DOCK4: variants seen among roughly 807,000 people sequenced by gnomAD.
DOCK4 encodes the protein dedicator of cytokinesis protein 4.
Under a neutral mutation model 268.1 loss-of-function variants are expected in DOCK4, and 97 were observed. That is an observed-to-expected ratio of 0.36 (90% CI 0.31 to 0.43). The LOEUF (loss-of-function observed/expected upper bound fraction) is 0.43, where lower values mean the gene tolerates loss of function less well. Ranked by LOEUF, DOCK4 falls within the 20% of genes least tolerant of loss-of-function variation. The pLI, the probability that DOCK4 is intolerant of heterozygous loss-of-function variation, is 1.00. For missense variants in DOCK4, 2,145 were observed against 2,455.7 expected, an observed-to-expected ratio of 0.87 and a Z score of 2.67; for synonymous variants, 954 against 887.2, an observed-to-expected ratio of 1.08 and a Z score of -1.34.
At chr7:111,989,331 C>T (rs886669441) in intron 5 of DOCK4, among the ~76,000 whole-genome samples, 168 bp from the exon 6 acceptor site, 11 of 152,236 alleles carry the variant, frequency 7.2e-5, no homozygotes, top group African/African-American at 2.7e-4. Flanking sequence ...CTCAAACACA[C>T]TCGCTGCCTT....
chr7:111,933,279 C>CATATAT (rs1174523261), intron 12 of DOCK4, among the ~76,000 whole-genome samples: 4 of 91,218 alleles, frequency 4.4e-5, no homozygotes, highest in South Asian at 3.1e-4. Context: ...TACATATATA[C>CATATAT]ATATATATAT....
intron 1 of DOCK4, among the ~76,000 whole-genome samples, chr7:112,114,440 C>A (rs1368430289): frequency 6.6e-6 from 1 of 152,192 alleles, no homozygotes; most frequent in African/African-American, 2.4e-5. Context: ...CTTGAAGTGA[C>A]AGGCTCTTGT....
intron 26 of DOCK4, among the ~76,000 whole-genome samples, chr7:111,828,063 A>C (rs1802536984): frequency 6.6e-6 from 1 of 152,224 alleles, no homozygotes; most frequent in South Asian, 2.1e-4. Context: ...TGAAATGCCA[A>C]GGATATGGAC....
intron 1 of DOCK4, among the ~76,000 whole-genome samples, chr7:112,198,421 T>C (rs1045483966): frequency 6.6e-6 from 1 of 152,216 alleles, no homozygotes; most frequent in Non-Finnish European, 1.5e-5. Flanking sequence ...TATAGTATCC[T>C]GAGCTAAGAC....
At chr7:111,859,668 C>T (rs1192188993) in intron 23 of DOCK4, among the ~76,000 whole-genome samples, 9 of 148,448 alleles carry the variant, frequency 6.1e-5, no homozygotes, top group African/African-American at 1.5e-4. Context: ...CCCGGGTTCA[C>T]GCCATTCTCC....
At position 111,783,937 on chromosome 7, in the gene DOCK4, A is replaced by G; in HGVS notation, c.3444T>C (p.Ile1148=). Residue 1148 remains isoleucine (I), a synonymous_variant, in exon 34 of 53, where the codon ATT becomes ATC. Coordinates refer to ENST00000428084, the MANE Select transcript of DOCK4 (RefSeq NM_001363540.2). ...CACTTTCCCGCCATGTTTCCCGCTC[A>G]ATTTTCTTTAGTAGACTGGAAAAGA... ...FGPYPSLLKK[I]ERETWRESGV... The G allele has an allele frequency of 6.2e-7, 1 of 1,604,778 alleles. No homozygotes were observed. The highest frequency in any genetic ancestry group is 2.2e-5 in the East Asian group (1 of 44,588).
At chr7:112,082,066 T>A (rs758416793) in intron 1 of DOCK4, among the ~76,000 whole-genome samples, 13 of 152,098 alleles carry the variant, frequency 8.5e-5, no homozygotes, top group Non-Finnish European at 1.8e-4. Flanking sequence ...GGGAATTACA[T>A]GACATTATAC....
At chr7:111,943,370 G>C (rs1366822608) in intron 10 of DOCK4, among the ~76,000 whole-genome samples, 1 of 152,202 alleles carries the variant, frequency 6.6e-6, no homozygotes, top group Non-Finnish European at 1.5e-5. Context: ...TACTCACTTT[G>C]CTGCATGTTT....
intron 26 of DOCK4, among the ~76,000 whole-genome samples, chr7:111,829,679 T>G (rs1802667892): frequency 6.6e-6 from 1 of 152,226 alleles, no homozygotes; most frequent in Non-Finnish European, 1.5e-5. Flanking sequence ...GCCTACTTCA[T>G]GGGATCCTTT....
At chr7:112,021,145 C>T (rs1345906062) in intron 1 of DOCK4, among the ~76,000 whole-genome samples, 1 of 152,102 alleles carries the variant, frequency 6.6e-6, no homozygotes, top group Non-Finnish European at 1.5e-5. Context: ...AACTATTTTG[C>T]TCCAGAAATC....
At chr7:111,993,133 T>C (rs1799667058) in intron 5 of DOCK4, among the ~76,000 whole-genome samples, 1 of 152,304 alleles carries the variant, frequency 6.6e-6, no homozygotes, top group Middle Eastern at 3.4e-3. Flanking sequence ...ACTAGTGACT[T>C]TGTCAGATTT....
chr7:112,023,641 C>T (rs1185078256), intron 1 of DOCK4: 4 of 453,002 alleles, frequency 8.8e-6, no homozygotes, highest in African/African-American at 2.0e-5. Flanking sequence ...TTTAAAAACT[C>T]TGTCCTTGGA....
chr7:112,172,656 A>G (rs528643230), intron 1 of DOCK4, among the ~76,000 whole-genome samples: 1 of 152,366 alleles, frequency 6.6e-6, no homozygotes, highest in East Asian at 1.9e-4. Context: ...ATAGAAATAA[A>G]TTCATGAACA....
chr7:111,951,514 G>A (rs1047735209), intron 8 of DOCK4, among the ~76,000 whole-genome samples: 1 of 151,952 alleles, frequency 6.6e-6, no homozygotes, highest in Non-Finnish European at 1.5e-5. Flanking sequence ...GCACCTCAGA[G>A]CACCAAAGAA....
chr7:111,858,776 C>T lies in DOCK4; in HGVS notation c.2473+4596G>A, dbSNP rs528331929. On this transcript the variant is annotated intron_variant, in intron 23 of 52. Transcript: ENST00000428084. ...TATGACTCCTTTCCTTCCGTCTTTC[C>T]TCCTTCCTTCCCTTCCTTTCCTTCC... Among the ~76,000 whole-genome samples, 20 of 150,342 alleles carry T rather than the reference C, an allele frequency of 1.3e-4. No homozygotes were observed. In the South Asian group the frequency reaches 4.2e-3, roughly 32 times the overall value.
chr7:111,773,789 G>A (rs901819206), intron 36 of DOCK4, among the ~76,000 whole-genome samples: 15 of 152,026 alleles, frequency 9.9e-5, no homozygotes, highest in African/African-American at 3.6e-4. Flanking sequence ...GGCCAAAGCA[G>A]GTGGATCTTC....
At chr7:111,813,405 AC>A (rs1274313121) in intron 27 of DOCK4, among the ~76,000 whole-genome samples, 1 of 152,200 alleles carries the variant, frequency 6.6e-6, no homozygotes, top group Non-Finnish European at 1.5e-5. Flanking sequence ...TGGGAAACTC[AC>A]TATTATAGCT....
chr7:112,048,977 A>G (rs551515970), intron 1 of DOCK4, among the ~76,000 whole-genome samples: 1 of 152,272 alleles, frequency 6.6e-6, no homozygotes, highest in Admixed American at 6.5e-5. Flanking sequence ...GTTAGATAAA[A>G]ACTTATTCAG....
At chr7:112,023,663 A>G (rs914575516) in intron 1 of DOCK4, 1 of 454,268 alleles carries the variant, frequency 2.2e-6, no homozygotes, top group South Asian at 1.6e-5. Flanking sequence ...TCCAACCACT[A>G]GAATACTAAT....
Sources: gnomAD v4.1 joint callset for allele counts (sites outside exome capture counted in the v4.1 genomes callset) on GRCh38, gnomAD v4.1.1 for gene constraint, MANE v1.5 for transcripts, NCBI Gene and HGNC (gene_info 2026-07-23, HGNC 2026-07-21) for gene names.